Variants in DPCD observed in about 807,000 individuals in gnomAD.
DPCD encodes deleted in primary ciliary dyskinesia homolog (mouse), also known as protein DPCD.
Under a neutral mutation model 26.4 loss-of-function variants are expected in DPCD, and 20 were observed. The observed-to-expected ratio is 0.76, with a 90% CI of 0.53 to 1.10. The LOEUF (loss-of-function observed/expected upper bound fraction) is 1.10, where lower values mean the gene tolerates loss of function less well. Ranked by LOEUF, DPCD falls within the 50% of genes least tolerant of loss-of-function variation. The pLI is 0.00. For synonymous variants in DPCD, 97 were observed against 94.2 expected (o/e 1.03, Z -0.17); for missense variants, 202 against 253.9 (o/e 0.80, Z 1.39).
intron 1 of DPCD, chr10:101,588,662 C>T: frequency 2.3e-6 from 3 of 1,288,340 alleles, no homozygotes; most frequent in South Asian, 4.0e-5. Context: ...CTTTTACATT[C>T]ATTATCTCAT....
intron 2 of DPCD, among the ~76,000 whole-genome samples, chr10:101,597,462 G>T (rs1041462232): frequency 6.6e-6 from 1 of 152,218 alleles, no homozygotes; most frequent in East Asian, 1.9e-4. Context: ...AGTGGGCCAG[G>T]GTTTGGAGCT....
chr10:101,597,166 C>T (rs1211124948), intron 2 of DPCD, among the ~76,000 whole-genome samples: 2 of 152,314 alleles, frequency 1.3e-5, no homozygotes, highest in South Asian at 2.1e-4. Context: ...CATCCCCCAG[C>T]GATTACATTC....
intron 2 of DPCD, among the ~76,000 whole-genome samples, chr10:101,597,086 A>C (rs1237610672): frequency 1.3e-5 from 2 of 152,226 alleles, no homozygotes; most frequent in Non-Finnish European, 2.9e-5. Context: ...CCCCACAACA[A>C]TGATCGGAAC....
chr10:101,602,639 C>T (rs1192363973), intron 4 of DPCD, among the ~76,000 whole-genome samples: 1 of 152,176 alleles, frequency 6.6e-6, no homozygotes, highest in African/African-American at 2.4e-5. Context: ...GAGTCACTGC[C>T]TAAAGTGGAA....
At chr10:101,594,254 C>G (rs922438056) in intron 1 of DPCD, among the ~76,000 whole-genome samples, 1 of 152,178 alleles carries the variant, frequency 6.6e-6, no homozygotes. Flanking sequence ...AAATGCTCCA[C>G]TATGGATACG....
intron 4 of DPCD, 121 bp downstream of exon 4, chr10:101,601,457 A>T: frequency 2.6e-6 from 1 of 378,960 alleles, no homozygotes; most frequent in Non-Finnish European, 4.2e-6. Flanking sequence ...TTCTGCTTAC[A>T]GGTATTGGAA....
At chr10:101,609,189 C>A in intron 5 of DPCD, 178 bp from the exon 6 acceptor site, 1 of 671,974 alleles carries the variant, frequency 1.5e-6, no homozygotes, top group Non-Finnish European at 2.5e-6. Flanking sequence ...AACTTGGGTT[C>A]TTCTGGTCCA....
intron 4 of DPCD, among the ~76,000 whole-genome samples, chr10:101,604,576 T>G (rs2063720888): frequency 6.6e-6 from 1 of 152,224 alleles, no homozygotes; most frequent in Non-Finnish European, 1.5e-5. Context: ...AAAGTGCTTT[T>G]CCAGGATCCC....
At chr10:101,588,606 A>G in intron 1 of DPCD, 3 of 1,405,258 alleles carry the variant, frequency 2.1e-6, no homozygotes, top group Non-Finnish European at 2.8e-6. Flanking sequence ...AGATTCCTCT[A>G]CACCATCTCG....
chr10:101,609,310 G>A (rs2063757055), intron 5 of DPCD, 57 bp from the exon 6 acceptor site: 2 of 1,567,552 alleles, frequency 1.3e-6, no homozygotes, highest in African/African-American at 2.7e-5. Flanking sequence ...CCAAGTGTGT[G>A]TGGAAGGAGA....
chr10:101,601,346 G>A lies in DPCD; in HGVS notation c.404+10G>A, dbSNP rs779487446. ...GAACAACCAACAAGAAGTGAGTAGC[G>A]TGGAAGGCACCCTGTGTGCTTGTGT... On this transcript the variant is annotated intron_variant, in intron 4 of 5. Coordinates refer to ENST00000370151, the MANE Select transcript of DPCD (RefSeq NM_015448.3). 16 of 1,613,386 alleles carry A rather than the reference G, an allele frequency of 9.9e-6. No homozygotes were observed. Among genetic ancestry groups the A allele is most frequent in the East Asian group, 2.2e-5 (1 of 44,764 alleles).
Position 101,609,442 on chromosome 10 carries a change from A to G in DPCD, c.583A>G (p.Ser195Gly), listed in dbSNP as rs1164311223. ...ACTAAAGAAGGTGAAGACAGCCCACAGCAACGATGGGGACTGCAAGACCCA... is the reference window on the plus strand; with the variant it reads ...ACTAAAGAAGGTGAAGACAGCCCACGGCAACGATGGGGACTGCAAGACCCA... ...KELKKVKTAH[S>G]NDGDCKTQ Residue 195 changes from serine to glycine, a missense_variant, in exon 6 of 6, where the codon AGC (serine) becomes GGC (glycine). Ser to Gly is a moderately conservative substitution (Grantham distance 56, BLOSUM62 0). This residue lies in a region of DPCD where 118 missense variants were observed against 145.1 expected (regional missense o/e 0.81). Coordinates refer to ENST00000370151, the MANE Select transcript of DPCD (RefSeq NM_015448.3). 1 of 1,614,020 alleles carries G rather than the reference A, an allele frequency of 6.2e-7. No homozygotes were observed. The highest frequency in any genetic ancestry group is 1.7e-5 in the Admixed American group (1 of 60,004).
At chr10:101,595,642 G>T (rs2063646023) in intron 2 of DPCD, among the ~76,000 whole-genome samples, 1 of 152,154 alleles carries the variant, frequency 6.6e-6, no homozygotes, top group Non-Finnish European at 1.5e-5. Context: ...GATTACACGG[G>T]CTTGCATTCC....
intron 2 of DPCD, 58 bp downstream of exon 2, chr10:101,594,796 A>C (rs1352762964): frequency 6.6e-7 from 1 of 1,519,168 alleles, no homozygotes. Context: ...ACATAAGCAC[A>C]ATGAACACTC....
rs1016614386 is a variant in DPCD, at chr10:101,594,526, A to T, written c.65-132A>T. On this transcript the variant is annotated intron_variant, in intron 1 of 5. Transcript: ENST00000370151. ...TAATGGTGGGTGGTGGTTGGCAAGG[A>T]GTTTGGGGAGGTCCTGGCTGGGTTC... 241 of 764,154 alleles carry T rather than the reference A, an allele frequency of 3.2e-4. 2 individuals carry two copies. The Admixed American group carries it at 4.9e-3, about 15-fold the overall frequency. The allele number at this position is 764,154 out of a possible 1,614,324, so 47.3% of individuals were successfully genotyped here.
intron 4 of DPCD, among the ~76,000 whole-genome samples, chr10:101,607,111 C>T (rs2063737893): frequency 1.3e-5 from 2 of 152,202 alleles, no homozygotes; most frequent in Admixed American, 6.5e-5. Flanking sequence ...GGTCCCACTG[C>T]CCCAGCCTGG....
rs2063761930 is a variant in DPCD, at chr10:101,609,588, T to C, written c.*117T>C. On this transcript the variant is annotated 3_prime_UTR_variant, in exon 6 of 6. Transcript: ENST00000370151. Reference sequence around the variant, plus strand: ...GGAGCTATCAAGGGTCTCTAAGAACTGGGCATGGGGCACTCCTAGCCAGTG... The same window carrying C: ...GGAGCTATCAAGGGTCTCTAAGAACCGGGCATGGGGCACTCCTAGCCAGTG... The C allele has an allele frequency of 1.2e-6, 1 of 821,692 alleles. No individual in the cohort carries two copies. Among genetic ancestry groups the C allele is most frequent in the Non-Finnish European group, 1.9e-6 (1 of 515,566 alleles). 50.9% of individuals were successfully genotyped at this position (821,692 alleles called of 1,614,324 possible).
Position 101,594,718 on chromosome 10 carries a change from A to C in DPCD, c.125A>C (p.Glu42Ala). 8.7e-6 allele frequency: 14 copies of C among 1,614,206 alleles called. No homozygotes were observed. The highest frequency in any genetic ancestry group is 1.2e-5 in the Non-Finnish European group (14 of 1,180,026). Reference sequence around the variant, plus strand: ...AAGGAAATGGCTGAAGAATATGACGAGAAGACGAGTGAACTACTTGGTAAG... The same window carrying C: ...AAGGAAATGGCTGAAGAATATGACGCGAAGACGAGTGAACTACTTGGTAAG... ...DGKEMAEEYD[E>A]KTSELLVRKW... The change falls in exon 2 of 6, where the codon GAG becomes GCG. Residue 42 changes from glutamate (E) to alanine (A), a missense_variant. This residue lies in a region of DPCD where 37 missense variants were observed against 76.0 expected (regional missense o/e 0.49). Transcript: ENST00000370151.
intron 1 of DPCD, among the ~76,000 whole-genome samples, chr10:101,592,843 G>T (rs2063621287): frequency 6.6e-6 from 1 of 151,924 alleles, no homozygotes; most frequent in African/African-American, 2.4e-5. Context: ...GTGAAGCCCT[G>T]TGTCTACTAA....
Sources: gnomAD v4.1 joint callset for allele counts (sites outside exome capture counted in the v4.1 genomes callset) on GRCh38, gnomAD v4.1.1 for gene constraint, gnomAD v4.1.1 regional missense constraint, MANE v1.5 for transcripts, NCBI Gene and HGNC (gene_info 2026-07-23, HGNC 2026-07-21) for gene names.